ANTXR1: variants seen among roughly 807,000 people sequenced by gnomAD.
The protein encoded by ANTXR1 is anthrax toxin receptor 1.
ANTXR1 carries 19 observed loss-of-function variants against 78.1 expected under a neutral mutation model. The observed-to-expected ratio is 0.24, with a 90% confidence interval of 0.17 to 0.36. The LOEUF is 0.36. Ranked by LOEUF, ANTXR1 falls within the 10% of genes least tolerant of loss-of-function variation. ANTXR1 has a pLI of 1.00. For missense variants in ANTXR1, 518 were observed against 718.6 expected (o/e 0.72, Z 3.19); for synonymous variants, 273 against 260.5 (o/e 1.05, Z -0.46).
intron 13 of ANTXR1, among the ~76,000 whole-genome samples, chr2:69,164,362 T>C (rs527480445): frequency 2.1e-4 from 32 of 152,346 alleles, no homozygotes; most frequent in African/African-American, 7.5e-4. Context: ...GAGACCAGAA[T>C]TGAATCTTGT....
chr2:69,145,557 T>C (rs1311413442), intron 12 of ANTXR1: 3 of 1,406,326 alleles, frequency 2.1e-6, no homozygotes, highest in Non-Finnish European at 2.8e-6. Context: ...CAGGAAACGT[T>C]CCCTCCTTAA....
At chr2:69,147,123 A>G (rs1359733011) in intron 12 of ANTXR1, among the ~76,000 whole-genome samples, 2 of 152,234 alleles carry the variant, frequency 1.3e-5, no homozygotes, top group African/African-American at 2.4e-5. Flanking sequence ...GCCAGGCTCT[A>G]TGGGGGTCAG....
chr2:69,060,594 A>T (rs1670204581), intron 3 of ANTXR1, among the ~76,000 whole-genome samples: 1 of 152,248 alleles, frequency 6.6e-6, no homozygotes, highest in Non-Finnish European at 1.5e-5. Flanking sequence ...ATCATGCCAT[A>T]AAACACAAAT....
chr2:69,192,968 G>A (rs1288845647), intron 16 of ANTXR1, among the ~76,000 whole-genome samples: 1 of 152,176 alleles, frequency 6.6e-6, no homozygotes, highest in Non-Finnish European at 1.5e-5. Flanking sequence ...TGGGCACCAA[G>A]TGGGAAGAAA....
intron 12 of ANTXR1, among the ~76,000 whole-genome samples, chr2:69,139,483 T>C (rs192398157): frequency 7.9e-5 from 12 of 152,374 alleles, no homozygotes; most frequent in Admixed American, 6.5e-4. Flanking sequence ...CTGTTGAGCA[T>C]GCATTAGAAA....
At chr2:69,088,499 T>C (rs1383432436) in intron 8 of ANTXR1, among the ~76,000 whole-genome samples, 3 of 152,170 alleles carry the variant, frequency 2.0e-5, no homozygotes, top group Non-Finnish European at 4.4e-5. Flanking sequence ...GCTACCTCTA[T>C]TTCTCAAATG....
At chr2:69,040,244 C>T (rs533032386) in intron 2 of ANTXR1, 129 bp downstream of exon 2, 37 of 774,092 alleles carry the variant, frequency 4.8e-5, no homozygotes, top group Middle Eastern at 4.8e-4. Flanking sequence ...TCTCAGATCT[C>T]GGACCAGAGA....
At chr2:69,163,993 A>G (rs1673755242) in intron 13 of ANTXR1, among the ~76,000 whole-genome samples, 1 of 152,214 alleles carries the variant, frequency 6.6e-6, no homozygotes, top group South Asian at 2.1e-4. Context: ...AGTGATTTTA[A>G]TGCCCTGTTT....
intron 17 of ANTXR1, among the ~76,000 whole-genome samples, chr2:69,195,323 G>T (rs1337309841): frequency 6.6e-6 from 1 of 152,166 alleles, no homozygotes; most frequent in Non-Finnish European, 1.5e-5. Flanking sequence ...TGACTGTCCA[G>T]CATGACACAG....
chr2:69,182,193 C>T (rs939580075), intron 15 of ANTXR1, among the ~76,000 whole-genome samples: 1 of 152,176 alleles, frequency 6.6e-6, no homozygotes, highest in Non-Finnish European at 1.5e-5. Context: ...CTCGTGATTT[C>T]TTTTCTCACT....
Position 69,124,823 on chromosome 2 carries a change from C to T in ANTXR1, c.951+180C>T, listed in dbSNP as rs536616448. 3.3e-5 allele frequency among the ~76,000 whole-genome samples: 5 copies of T among 152,194 alleles called. No individual in the cohort carries two copies. The South Asian group carries it at 1.0e-3, about 32-fold the overall frequency. On this transcript the variant is annotated intron_variant, in intron 12 of 17. Transcript: ENST00000303714. ...CAGGCTGGATTGGGGTGTGCTGTAC[C>T]CCAGAGTGTATCAGGCATGTCTGTG...
At chr2:69,065,575 A>G (rs1229323169) in intron 3 of ANTXR1, among the ~76,000 whole-genome samples, 1 of 152,210 alleles carries the variant, frequency 6.6e-6, no homozygotes, top group Admixed American at 6.5e-5. Flanking sequence ...ATATTCAACA[A>G]TTATAAGGGA....
In ANTXR1 at chr2:69,106,397, G is replaced by T. The variant is rs1417627289; in HGVS notation, c.802+3457G>T. ...AAAGAAGTGGGAATCTCCAAGTATA[G>T]GAAACAAAATGGGAATAAAAACCTA... On this transcript the variant is annotated intron_variant, in intron 10 of 17. Transcript: ENST00000303714. Among the ~76,000 whole-genome samples the T allele has an allele frequency of 2.0e-5, 3 of 152,178 alleles. No individual in the cohort carries two copies. The South Asian group carries it at 6.2e-4, about 32-fold the overall frequency.
At chr2:69,218,098 G>A (rs938761824) in intron 17 of ANTXR1, among the ~76,000 whole-genome samples, 2 of 152,130 alleles carry the variant, frequency 1.3e-5, no homozygotes, top group East Asian at 1.9e-4. Flanking sequence ...GAGAGGAGCC[G>A]GGTGGAAGGT....
At chr2:69,074,899 A>T (rs920980287) in intron 6 of ANTXR1, among the ~76,000 whole-genome samples, 11 of 152,228 alleles carry the variant, frequency 7.2e-5, no homozygotes, top group African/African-American at 2.7e-4. Context: ...AAATCAGATT[A>T]TCAGAGACTT....
chr2:69,101,826 T>A (rs1471206149), intron 9 of ANTXR1, among the ~76,000 whole-genome samples: 1 of 152,176 alleles, frequency 6.6e-6, no homozygotes, highest in Non-Finnish European at 1.5e-5. Flanking sequence ...AATTTTTAGA[T>A]ACAAAAGGAT....
In ANTXR1 at chr2:69,219,911, C is replaced by A. The variant is rs550032592; in HGVS notation, c.1435-25314C>A. Among the ~76,000 whole-genome samples the A allele has an allele frequency of 2.0e-5, 3 of 150,690 alleles. No homozygotes were observed. The South Asian group carries it at 6.2e-4, about 31-fold the overall frequency. On this transcript the variant is annotated intron_variant, in intron 17 of 17. Coordinates refer to ENST00000303714, the MANE Select transcript of ANTXR1 (RefSeq NM_032208.3). ...CCTCCCATAAGCATCTCCATCCTTC[C>A]TGATTTTTTTTTGAACAGGCTTTTA...
chr2:69,074,596 A>G (rs1231648146), intron 6 of ANTXR1, among the ~76,000 whole-genome samples: 1 of 152,224 alleles, frequency 6.6e-6, no homozygotes, highest in Non-Finnish European at 1.5e-5. Context: ...AGAATCACAG[A>G]GTTGTTGCAA....
chr2:69,212,184 G>C (rs1038097186), intron 17 of ANTXR1, among the ~76,000 whole-genome samples: 6 of 152,202 alleles, frequency 3.9e-5, no homozygotes, highest in African/African-American at 1.4e-4. Flanking sequence ...GGAGATAAAA[G>C]AGGAGAATCA....
Sources: allele counts gnomAD v4.1 joint callset (sites outside exome capture counted in the v4.1 genomes callset), GRCh38; gene constraint gnomAD v4.1.1; transcripts MANE v1.5; gene names NCBI Gene and HGNC (gene_info 2026-07-23, HGNC 2026-07-21).